The following RGS12 variants were observed in gnomAD, a reference collection of about 807,000 sequenced individuals.
RGS12 encodes regulator of G-protein signaling 12.
Under a neutral mutation model 120.1 loss-of-function variants are expected in RGS12, and 66 were observed. That is an observed-to-expected ratio of 0.55 (90% confidence interval 0.45 to 0.67). The LOEUF (loss-of-function observed/expected upper bound fraction) is 0.67, where lower values mean the gene tolerates loss of function less well. Ranked by LOEUF, RGS12 falls within the 30% of genes least tolerant of loss-of-function variation. The pLI, the probability that RGS12 is intolerant of heterozygous loss-of-function variation, is 0.00. For synonymous variants in RGS12, 827 were observed against 804.7 expected (o/e 1.03, Z -0.47); for missense variants, 1,859 against 1,957.7 (o/e 0.95, Z 0.95).
chr4:3,311,242 C>T (rs1724384642), intron 1 of RGS12, among the ~76,000 whole-genome samples: 5 of 152,208 alleles, frequency 3.3e-5, no homozygotes, highest in Admixed American at 3.3e-4. Flanking sequence ...CTGGCTTGGT[C>T]TTTCCAGCCC....
intron 3 of RGS12, among the ~76,000 whole-genome samples, chr4:3,384,105 T>C (rs1000432301): frequency 6.6e-6 from 1 of 152,232 alleles, no homozygotes; most frequent in Admixed American, 6.5e-5. Flanking sequence ...ATTTTGTGTA[T>C]GGCCTTGTGG....
In RGS12 at chr4:3,431,127, G is replaced by GT. The variant is rs1724260016; in HGVS notation, c.4114+173dup. The GT allele has an allele frequency of 2.1e-6, 3 of 1,434,228 alleles. No homozygotes were observed. In the East Asian group the frequency reaches 7.6e-5, roughly 36 times the overall value. The allele number at this position is 1,434,228 out of a possible 1,614,324, so 88.8% of individuals were successfully genotyped here. A position where few individuals can be genotyped will look rare whatever the true frequency, so the allele number is the denominator to read the frequency against. On this transcript the variant is annotated intron_variant, in intron 17 of 17. Transcript: ENST00000336727. ...TGGCCCTCTTGGAAAGGAGGGGCTC[G>GT]TGTGGCCCCAGGCCAGTGTCTGTCA...
chr4:3,352,303 G>C (rs906487601), intron 3 of RGS12, among the ~76,000 whole-genome samples: 1 of 152,144 alleles, frequency 6.6e-6, no homozygotes. Flanking sequence ...TGGGAGGCTT[G>C]GTTTGAGAGG....
chr4:3,433,644 G>A lies in RGS12; in HGVS notation c.4114+2689G>A, dbSNP rs1724546065. Among the ~76,000 whole-genome samples, 1 of 150,994 alleles carries A rather than the reference G, an allele frequency of 6.6e-6. No homozygotes were observed. Among genetic ancestry groups the A allele is most frequent in the Non-Finnish European group, 1.5e-5 (1 of 67,874 alleles). On this transcript the variant is annotated intron_variant, in intron 17 of 17. Transcript: ENST00000336727. This position sits in a 1 kb window ranked among gnomAD's most constrained non-coding sequence, Gnocchi z 4.4. ...CCCCATCCTAGCCCCAGCACCACGT[G>A]CCATGCCACCCTGTTCCAGCCCCTG...
chr4:3,429,769 C>G (rs967963996), intron 16 of RGS12, among the ~76,000 whole-genome samples: 1 of 152,206 alleles, frequency 6.6e-6, no homozygotes, highest in Non-Finnish European at 1.5e-5. Flanking sequence ...CCTGGCCCCT[C>G]GGGGCTGTGG....
At chr4:3,386,055 G>A (rs927174186) in intron 3 of RGS12, 8 of 294,266 alleles carry the variant, frequency 2.7e-5, no homozygotes, top group Non-Finnish European at 4.4e-5. Flanking sequence ...TGGGCACTGA[G>A]TGGGCTGTTG....
intron 13 of RGS12, among the ~76,000 whole-genome samples, chr4:3,424,128 G>T (rs1723347002): frequency 6.6e-6 from 1 of 152,260 alleles, no homozygotes; most frequent in Non-Finnish European, 1.5e-5. Flanking sequence ...TGTGAATGGG[G>T]TTAAGAAAGA....
intron 3 of RGS12, among the ~76,000 whole-genome samples, chr4:3,361,845 G>A (rs1232411237): frequency 6.6e-6 from 1 of 152,152 alleles, no homozygotes; most frequent in Non-Finnish European, 1.5e-5. Flanking sequence ...TTGGCGAAAT[G>A]TCTTCGAGCT....
chr4:3,397,741 A>G (rs1272412803), intron 4 of RGS12, among the ~76,000 whole-genome samples: 1 of 152,240 alleles, frequency 6.6e-6, no homozygotes, highest in Non-Finnish European at 1.5e-5. Context: ...AATGCAGAAA[A>G]GTGGTTGGGC....
At chr4:3,397,866 G>A (rs554871690) in intron 4 of RGS12, among the ~76,000 whole-genome samples, 2 of 152,312 alleles carry the variant, frequency 1.3e-5, no homozygotes, top group African/African-American at 4.8e-5. Flanking sequence ...AAGACACATG[G>A]GAAACCAGAA....
upstream of RGS12, among the ~76,000 whole-genome samples, chr4:3,290,890 C>T (rs1296015551): frequency 6.6e-6 from 1 of 152,262 alleles, no homozygotes; most frequent in Non-Finnish European, 1.5e-5. Context: ...CTTTTCAAAA[C>T]CTTCCAGCAT....
intron 1 of RGS12, among the ~76,000 whole-genome samples, chr4:3,307,425 T>C (rs1404572179): frequency 6.6e-6 from 1 of 152,264 alleles, no homozygotes; most frequent in Non-Finnish European, 1.5e-5. Context: ...CTAGGAGTTA[T>C]TTATTTTATT....
At chr4:3,384,217 C>T (rs1037572885) in intron 3 of RGS12, among the ~76,000 whole-genome samples, 4 of 152,160 alleles carry the variant, frequency 2.6e-5, no homozygotes. Flanking sequence ...TGTAGTGGCA[C>T]GATCTCGGCT....
chr4:3,361,109 A>G (rs971912488), intron 3 of RGS12, among the ~76,000 whole-genome samples: 6 of 152,210 alleles, frequency 3.9e-5, no homozygotes, highest in African/African-American at 9.6e-5. Flanking sequence ...CTAATGGACT[A>G]TGGCTGTCTT....
chr4:3,347,571 T>C (rs907466810), intron 3 of RGS12, among the ~76,000 whole-genome samples: 1 of 152,256 alleles, frequency 6.6e-6, no homozygotes, highest in African/African-American at 2.4e-5. Flanking sequence ...AATTAATTTT[T>C]GTTCTGCTTG....
At position 3,374,272 on chromosome 4, in the gene RGS12, T is replaced by G. The variant is rs980704905; in HGVS notation, c.1999-12144T>G. 1.3e-5 allele frequency among the ~76,000 whole-genome samples: 2 copies of G among 152,364 alleles called. No homozygotes were observed. The highest frequency in any genetic ancestry group is 3.9e-4 in the East Asian group (2 of 5,190). ...GCTGGGCCAGCTTGCCTTGGGCTTCTGCAGCAGCGCCCTCCGGGTTCCCCT... is the reference window on the plus strand; with the variant it reads ...GCTGGGCCAGCTTGCCTTGGGCTTCGGCAGCAGCGCCCTCCGGGTTCCCCT... On this transcript the variant is annotated intron_variant, in intron 3 of 17. Transcript: ENST00000336727. The surrounding 1 kb of genome is among the most constrained non-coding windows in gnomAD (Gnocchi z 6.3).
At chr4:3,379,152 T>C (rs1186358582) in intron 3 of RGS12, among the ~76,000 whole-genome samples, 1 of 152,118 alleles carries the variant, frequency 6.6e-6, no homozygotes, top group Non-Finnish European at 1.5e-5. Flanking sequence ...ATGTGGACTC[T>C]AAAAACATTG....
chr4:3,416,775 G>T, intron 7 of RGS12, 138 bp from the exon 8 acceptor site: 2 of 753,328 alleles, frequency 2.7e-6, no homozygotes, highest in Non-Finnish European at 4.4e-6. Context: ...CCTCAGGGCT[G>T]GCGGGGGAAA....
rs149618433 is a variant in RGS12, at chr4:3,316,898, C to T, written c.728C>T (p.Thr243Met). ...TTAGGCTCCATTGAGCTTCCTTCCACGAGCTCCAACCTGGAGTCCGACAGC... is the reference window on the plus strand; with the variant it reads ...TTAGGCTCCATTGAGCTTCCTTCCATGAGCTCCAACCTGGAGTCCGACAGC... The part of the protein sequence containing the change: ...GYLGSIELPS[T>M]SSNLESDSLQ... The change falls in exon 2 of 18, where the codon ACG (threonine) becomes ATG (methionine). Residue 243 changes from threonine (T) to methionine (M), a missense_variant. Physicochemically the swap from Thr to Met is moderately conservative, Grantham distance 81. Coordinates refer to ENST00000336727, the MANE Select transcript of RGS12 (RefSeq NM_001394154.1). 6.1e-5 allele frequency: 98 copies of T among 1,613,892 alleles called. No individual in the cohort carries two copies. The highest frequency in any genetic ancestry group is 3.3e-4 in the African/African-American group (25 of 74,938).
Sources: allele counts gnomAD v4.1 joint callset (sites outside exome capture counted in the v4.1 genomes callset), GRCh38; gene constraint gnomAD v4.1.1; non-coding constraint Gnocchi (gnomAD v3.1); transcripts MANE v1.5; gene names NCBI Gene and HGNC (gene_info 2026-07-23, HGNC 2026-07-21).